The following PTBP3 variants were observed in gnomAD, a reference collection of about 807,000 sequenced individuals.
PTBP3 encodes the protein polypyrimidine tract binding protein 3.
A neutral mutation model predicts 58.7 loss-of-function variants in PTBP3; 20 were observed. That is an observed-to-expected ratio of 0.34 (90% confidence interval 0.24 to 0.50). The LOEUF (loss-of-function observed/expected upper bound fraction) is 0.50, where lower values mean the gene tolerates loss of function less well. PTBP3 is among the 20% of genes least tolerant of loss of function. The pLI is 0.98. For synonymous variants in PTBP3, 185 were observed against 219.8 expected, an observed-to-expected ratio of 0.84 and a Z score of 1.40; for missense variants, 509 against 637.2, an observed-to-expected ratio of 0.80 and a Z score of 2.17.
chr9:112,235,293 T>C (rs895191057), intron 7 of PTBP3, among the ~76,000 whole-genome samples: 2 of 152,128 alleles, frequency 1.3e-5, no homozygotes, highest in African/African-American at 2.4e-5. Context: ...AAACTAAAAG[T>C]ACGAATTATA....
intron 1 of PTBP3, among the ~76,000 whole-genome samples, chr9:112,316,717 A>G (rs1000403797): frequency 6.6e-6 from 1 of 152,014 alleles, no homozygotes; most frequent in Non-Finnish European, 1.5e-5. Context: ...AGGCGGGTGG[A>G]TCACTTGAGG....
Position 112,221,295 on chromosome 9 carries a change from A to T in PTBP3, c.*2556T>A. ...CACACACACATTCACACACACACAC[A>T]AACACACCCCTACACAAATCCCTGA... On this transcript the variant is annotated 3_prime_UTR_variant, in exon 14 of 14. Transcript: ENST00000374257. 1 of 985,728 alleles carries T rather than the reference A, an allele frequency of 1.0e-6. No individual in the cohort carries two copies. Among genetic ancestry groups the T allele is most frequent in the Non-Finnish European group, 1.2e-6 (1 of 829,880 alleles). 61.1% of individuals were successfully genotyped at this position (985,728 alleles called of 1,614,324 possible).
At chr9:112,270,946 C>G (rs1363636302) in intron 3 of PTBP3, among the ~76,000 whole-genome samples, 4 of 152,092 alleles carry the variant, frequency 2.6e-5, no homozygotes, top group African/African-American at 9.7e-5. Flanking sequence ...GCAACCTCAG[C>G]CTCCCGAGTA....
chr9:112,289,190 T>C (rs1828270726), intron 2 of PTBP3, among the ~76,000 whole-genome samples: 1 of 152,184 alleles, frequency 6.6e-6, no homozygotes, highest in Non-Finnish European at 1.5e-5. Context: ...CTTTTCTCTT[T>C]TTCTCTTCTT....
chr9:112,349,493 C>T, the PTBP3 span, among the ~76,000 whole-genome samples: 1 of 152,104 alleles, frequency 6.6e-6, no homozygotes, highest in Non-Finnish European at 1.5e-5. Context: ...GACTTGCGAT[C>T]GGTGTCTCAA....
At chr9:112,310,107 C>T (rs1036839650) in intron 1 of PTBP3, among the ~76,000 whole-genome samples, 1 of 152,182 alleles carries the variant, frequency 6.6e-6, no homozygotes, top group Non-Finnish European at 1.5e-5. Context: ...AGAATAGTTA[C>T]CAAATTGTTC....
At chr9:112,233,838 T>G (rs1352715309) in intron 8 of PTBP3, among the ~76,000 whole-genome samples, 1 of 151,818 alleles carries the variant, frequency 6.6e-6, no homozygotes, top group African/African-American at 2.4e-5. Context: ...GGCTGAGGCA[T>G]GAGAATCATT....
chr9:112,233,516 G>C (rs1281283859), intron 8 of PTBP3, among the ~76,000 whole-genome samples: 1 of 151,822 alleles, frequency 6.6e-6, no homozygotes. Context: ...TAACACAATA[G>C]GTAGAATATT....
Position 112,232,182 on chromosome 9 carries a change from C to G in PTBP3, c.937G>C (p.Ala313Pro). The G allele has an allele frequency of 1.9e-6, 3 of 1,612,242 alleles. No homozygotes were observed. Among genetic ancestry groups the G allele is most frequent in the Non-Finnish European group, 2.5e-6 (3 of 1,178,418 alleles). The change falls in exon 9 of 14, where the codon GCT becomes CCT. Residue 313 changes from alanine to proline, a missense_variant. Around this residue, in one of 4 missense-constraint regions of PTBP3, gnomAD observed 121 missense variants for 114.8 expected, o/e 1.05. Transcript: ENST00000374257. The part of the protein sequence containing the change: ...ALGPLTITSS[A>P]VTGRMAIPGA... ...GGAATGGCCATCCTTCCAGTGACAG[C>G]AGAAGAGGTGATTGTGAGAGGACCA...
chr9:112,252,615 G>C, intron 6 of PTBP3, 63 bp downstream of exon 6: 3 of 1,206,518 alleles, frequency 2.5e-6, no homozygotes. Flanking sequence ...GTAAAGTGGG[G>C]CACAAGAGAA....
At chr9:112,339,083 A>G in the PTBP3 span, among the ~76,000 whole-genome samples, 1 of 152,142 alleles carries the variant, frequency 6.6e-6, no homozygotes, top group Non-Finnish European at 1.5e-5. Flanking sequence ...ATTCACAGAA[A>G]ATCATCCTTT....
intron 6 of PTBP3, 176 bp downstream of exon 6, chr9:112,252,502 T>A (rs553897327): frequency 1.8e-6 from 1 of 551,714 alleles, no homozygotes; most frequent in East Asian, 3.0e-5. Flanking sequence ...TATGAAGTAG[T>A]AATGATTTTT....
At chr9:112,289,823 C>T (rs566972555) in intron 2 of PTBP3, among the ~76,000 whole-genome samples, 39 of 152,144 alleles carry the variant, frequency 2.6e-4, no homozygotes, top group African/African-American at 7.9e-4. Context: ...ACAAATTATT[C>T]AGTTTGTTAG....
intron 2 of PTBP3, among the ~76,000 whole-genome samples, chr9:112,277,477 C>G (rs1483210299): frequency 6.6e-6 from 1 of 152,094 alleles, no homozygotes; most frequent in Non-Finnish European, 1.5e-5. Context: ...CCTGATCTTG[C>G]CCCCACTTCA....
upstream of PTBP3, among the ~76,000 whole-genome samples, chr9:112,338,198 C>T (rs925404136): frequency 6.6e-6 from 1 of 152,160 alleles, no homozygotes; most frequent in Non-Finnish European, 1.5e-5. Flanking sequence ...ACAACTGTGA[C>T]TACAAGGGAG....
At chr9:112,310,776 A>G (rs1829441503) in intron 1 of PTBP3, among the ~76,000 whole-genome samples, 1 of 152,254 alleles carries the variant, frequency 6.6e-6, no homozygotes, top group South Asian at 2.1e-4. Context: ...GGTACGACTT[A>G]AGAGAAAAAG....
the PTBP3 span, among the ~76,000 whole-genome samples, chr9:112,363,368 G>A: frequency 6.6e-6 from 1 of 151,924 alleles, no homozygotes; most frequent in Non-Finnish European, 1.5e-5. Flanking sequence ...AACATGGTGA[G>A]ACCTGTCTCT....
At position 112,218,858 on chromosome 9, in the gene PTBP3, T is replaced by G. The variant is rs1394695933; in HGVS notation, c.*4993A>C. The G allele has an allele frequency of 6.6e-6, 1 of 152,624 alleles. No individual in the cohort carries two copies. The highest frequency in any genetic ancestry group is 2.4e-5 in the African/African-American group (1 of 41,462). The allele number at this position is 152,624 out of a possible 1,614,324, so 9.5% of individuals were successfully genotyped here. A position where few individuals can be genotyped will look rare whatever the true frequency, so the allele number is the denominator to read the frequency against. The stretch of plus-strand genomic sequence containing the variant: ...TGTTGTTACAAATATTTACAGCATT[T>G]TCTTCTGTTAGACGAACATTCTTAA... On this transcript the variant is annotated 3_prime_UTR_variant, in exon 14 of 14. Transcript: ENST00000374257.
intron 7 of PTBP3, among the ~76,000 whole-genome samples, chr9:112,237,486 T>C (rs1380752367): frequency 6.6e-6 from 1 of 152,172 alleles, no homozygotes; most frequent in Non-Finnish European, 1.5e-5. Context: ...ACAGTGTTAT[T>C]TGAAATAGCA....
Sources: allele counts gnomAD v4.1 joint callset (sites outside exome capture counted in the v4.1 genomes callset), GRCh38; gene constraint gnomAD v4.1.1; regional missense constraint gnomAD v4.1.1; transcripts MANE v1.5; gene names NCBI Gene and HGNC (gene_info 2026-07-23, HGNC 2026-07-21).